ANKRD52: variants seen among roughly 807,000 people sequenced by gnomAD.
ANKRD52 encodes ankyrin repeat domain 52, also known as serine/threonine-protein phosphatase 6 regulatory ankyrin repeat subunit C.
A neutral mutation model predicts 116.0 loss-of-function variants in ANKRD52; 7 were observed. The observed-to-expected ratio is 0.06, with a 90% CI of 0.03 to 0.11. The LOEUF (loss-of-function observed/expected upper bound fraction) is 0.11. Among genes scored for constraint, ANKRD52 ranks in the 10% least tolerant of loss-of-function variants. The pLI is 1.00. For missense variants in ANKRD52, 839 were observed against 1,408.6 expected, an observed-to-expected ratio of 0.60 and a Z score of 6.47; for synonymous variants, 528 against 578.1, an observed-to-expected ratio of 0.91 and a Z score of 1.24.
At chr12:56,249,814 T>C (rs1196259856) in intron 15 of ANKRD52, among the ~76,000 whole-genome samples, 2 of 151,802 alleles carry the variant, frequency 1.3e-5, no homozygotes, top group East Asian at 1.9e-4. Flanking sequence ...CCAAGGCAGG[T>C]GGATCGCCTG....
At position 56,241,903 on chromosome 12, in the gene ANKRD52, C is replaced by T. The variant is rs970396199; in HGVS notation, c.*1239G>A. The T allele has an allele frequency of 2.5e-6, 1 of 398,208 alleles. No homozygotes were observed. Among genetic ancestry groups the T allele is most frequent in the African/African-American group, 2.1e-5 (1 of 48,612 alleles). 24.7% of individuals were successfully genotyped at this position (398,208 alleles called of 1,614,324 possible). On this transcript the variant is annotated 3_prime_UTR_variant, in exon 28 of 28. Coordinates refer to ENST00000267116, the MANE Select transcript of ANKRD52 (RefSeq NM_173595.4). ...CAGCCCCCAGCTCAATCCCATCTTT[C>T]CTCCCTGCTGGGAAGGCAGGGACCA...
rs773087166 is a variant in ANKRD52 at position 56,248,259 on chromosome 12, G to A, written c.1777-35C>T. On this transcript the variant is annotated intron_variant, in intron 17 of 27. Transcript: ENST00000267116. This position sits in a 1 kb window ranked among gnomAD's most constrained non-coding sequence, Gnocchi z 5.1. The stretch of plus-strand genomic sequence containing the variant: ...TGCAGGCAACCAGTGCACACAGCTC[G>A]GGACCTTCCCTGCTCCTCCCTTCCC... 73 of 1,607,278 alleles carry A rather than the reference G, an allele frequency of 4.5e-5. No individual in the cohort carries two copies. The highest frequency in any genetic ancestry group is 2.3e-4 in the Admixed American group (14 of 59,988).
chr12:56,256,767 G>A (rs1410375617), intron 4 of ANKRD52, among the ~76,000 whole-genome samples: 1 of 152,196 alleles, frequency 6.6e-6, no homozygotes, highest in Non-Finnish European at 1.5e-5. Flanking sequence ...AGTCACTCAG[G>A]CCTGGCAGCA....
Position 56,244,365 on chromosome 12 carries a change from C to A in ANKRD52, c.2793G>T (p.Leu931Phe). The A allele has an allele frequency of 6.2e-7, 1 of 1,613,944 alleles. No homozygotes were observed. The highest frequency in any genetic ancestry group is 8.5e-7 in the Non-Finnish European group (1 of 1,179,872). ...LDENKNTALH[L>F]ACSKGHEKCA... ...TTCAGGTAAGTACCTTGCTACAAGC[C>A]AAGTGGAGGGCCGTGTTCTTGTTCT... Residue 931 changes from leucine (L) to phenylalanine (F), a missense_variant, in exon 25 of 28, where the codon TTG (leucine) becomes TTT (phenylalanine). Leu to Phe is a conservative substitution (Grantham distance 22). Around this residue, in one of 2 missense-constraint regions of ANKRD52, gnomAD observed 552 missense variants for 810.6 expected, o/e 0.68. Coordinates refer to ENST00000267116, the MANE Select transcript of ANKRD52 (RefSeq NM_173595.4). This position sits in a 1 kb window ranked among gnomAD's most constrained non-coding sequence, Gnocchi z 4.9.
chr12:56,246,280 T>G (rs942822582), intron 20 of ANKRD52, among the ~76,000 whole-genome samples: 1 of 152,140 alleles, frequency 6.6e-6, no homozygotes, highest in African/African-American at 2.4e-5. Context: ...TCTGCCCGCC[T>G]TGGCCTTCCA....
intron 21 of ANKRD52, 71 bp downstream of exon 21, chr12:56,245,306 C>A: frequency 6.2e-7 from 1 of 1,602,240 alleles, no homozygotes; most frequent in Non-Finnish European, 8.5e-7. Flanking sequence ...TCCCCCCCAA[C>A]AACCCACCTG....
rs762618831 is a variant in ANKRD52 at position 56,257,354 on chromosome 12, T to G, written c.119A>C (p.Glu40Ala). ...QKENINVLDQ[E>A]RRTPLHAAAY... ...AGCAGCATGCAATGGAGTTCGCCTCTCTTGGTCCTGGGAAGGCAAAAAAGA... is the reference window on the plus strand; with the variant it reads ...AGCAGCATGCAATGGAGTTCGCCTCGCTTGGTCCTGGGAAGGCAAAAAAGA... Residue 40 changes from glutamate to alanine, a missense_variant, in exon 3 of 28, where the codon GAG becomes GCG. Transcript: ENST00000267116. The G allele has an allele frequency of 3.8e-6, 6 of 1,589,220 alleles. No individual in the cohort carries two copies. Among genetic ancestry groups the G allele is most frequent in the Non-Finnish European group, 4.3e-6 (5 of 1,167,828 alleles).
At chr12:56,257,971 G>A in intron 1 of ANKRD52, 60 bp from the exon 2 acceptor site, 4 of 1,497,274 alleles carry the variant, frequency 2.7e-6, no homozygotes, top group Non-Finnish European at 3.7e-6. Context: ...CGGTGTGGGG[G>A]TGGGGGTGGG....
At position 56,252,188 on chromosome 12, in the gene ANKRD52, C is replaced by T; in HGVS notation, c.1498G>A (p.Asp500Asn). The T allele has an allele frequency of 6.2e-7, 1 of 1,613,954 alleles. No homozygotes were observed. The highest frequency in any genetic ancestry group is 8.5e-7 in the Non-Finnish European group (1 of 1,179,882). ...CSPLHYAAASDTYRRAEPHTP... is the reference protein window; with the variant it reads ...CSPLHYAAASNTYRRAEPHTP... ...TGGTAGCCTCACCTCCTGTAAGTGT[C>T]AGAAGCGGCAGCGTAGTGGAGGGGA... Residue 500 changes from aspartate (D) to asparagine (N), a missense_variant, in exon 14 of 28, where the codon GAC (aspartate) becomes AAC (asparagine). Coordinates refer to ENST00000267116, the MANE Select transcript of ANKRD52 (RefSeq NM_173595.4). The surrounding 1 kb of genome is among the most constrained non-coding windows in gnomAD (Gnocchi z 4.7).
At chr12:56,250,751 A>G (rs1871650577) in intron 15 of ANKRD52, among the ~76,000 whole-genome samples, 1 of 150,232 alleles carries the variant, frequency 6.7e-6, no homozygotes, top group South Asian at 2.1e-4. Flanking sequence ...AAAAAAAAAG[A>G]AAGAAAAAGA....
rs1871869602 is a variant in ANKRD52, at chr12:56,254,831, C to G, written c.550+34G>C. Reference sequence around the variant, plus strand: ...TCCCTGCCCTAGGAATCCTAAATGTCAAATTTCTGATTTTCCCGTGTATTC... The same window carrying G: ...TCCCTGCCCTAGGAATCCTAAATGTGAAATTTCTGATTTTCCCGTGTATTC... On this transcript the variant is annotated intron_variant, in intron 6 of 27. Transcript: ENST00000267116. The surrounding 1 kb of genome is among the most constrained non-coding windows in gnomAD (Gnocchi z 4.6). 1 of 1,607,146 alleles carries G rather than the reference C, an allele frequency of 6.2e-7. No individual in the cohort carries two copies. Among genetic ancestry groups the G allele is most frequent in the Non-Finnish European group, 8.5e-7 (1 of 1,173,932 alleles).
At position 56,239,390 on chromosome 12, in the gene ANKRD52, T is replaced by G. The variant is rs980904719; in HGVS notation, c.*3752A>C. 3 of 152,168 alleles carry G rather than the reference T, an allele frequency of 2.0e-5. No homozygotes were observed. The highest frequency in any genetic ancestry group is 2.9e-5 in the Non-Finnish European group (2 of 68,032). 9.4% of individuals were successfully genotyped at this position (152,168 alleles called of 1,614,324 possible). On this transcript the variant is annotated 3_prime_UTR_variant, in exon 28 of 28. Transcript: ENST00000267116. Reference sequence around the variant, plus strand: ...TGCTTTGTTCCTTATCCCTCCTTCTTAAAAGGTAGGGTTCAAACTAGGCGG... The same window carrying G: ...TGCTTTGTTCCTTATCCCTCCTTCTGAAAAGGTAGGGTTCAAACTAGGCGG...
At position 56,253,410 on chromosome 12, in the gene ANKRD52, G is replaced by T; in HGVS notation, c.986-8C>A. On this transcript the variant is annotated splice_polypyrimidine_tract_variant and splice_region_variant and intron_variant, in intron 9 of 27. Coordinates refer to ENST00000267116, the MANE Select transcript of ANKRD52 (RefSeq NM_173595.4). This position sits in a 1 kb window ranked among gnomAD's most constrained non-coding sequence, Gnocchi z 5.5. ...CACAATCAATCTCGCTGCCTGTGAG[G>T]GGATGCACACACACAAGCTCAGGCA... The T allele has an allele frequency of 6.2e-7, 1 of 1,606,658 alleles. No homozygotes were observed. Among genetic ancestry groups the T allele is most frequent in the South Asian group, 1.1e-5 (1 of 90,830 alleles).
Position 56,248,370 on chromosome 12 carries a change from C to A in ANKRD52, c.1776+125G>T. On this transcript the variant is annotated intron_variant, in intron 17 of 27. Transcript: ENST00000267116. The surrounding 1 kb of genome is among the most constrained non-coding windows in gnomAD (Gnocchi z 5.1). ...GCCCCTTAAGGCTTCCTACCCTGCACTGTGCTTATCCCCTCTCCCACAAAA... is the reference window on the plus strand; with the variant it reads ...GCCCCTTAAGGCTTCCTACCCTGCAATGTGCTTATCCCCTCTCCCACAAAA... 7.1e-7 allele frequency: 1 copy of A among 1,403,046 alleles called. No individual in the cohort carries two copies. The highest frequency in any genetic ancestry group is 1.2e-5 in the South Asian group (1 of 81,104). The allele number at this position is 1,403,046 out of a possible 1,614,324, so 86.9% of individuals were successfully genotyped here.
chr12:56,246,293 G>T (rs1319686915), intron 20 of ANKRD52, among the ~76,000 whole-genome samples: 2 of 151,524 alleles, frequency 1.3e-5, no homozygotes, highest in Admixed American at 6.6e-5. Context: ...GCCTTCCAAA[G>T]TGCTGGGATT....
chr12:56,248,489 A>G lies in ANKRD52; in HGVS notation c.1776+6T>C. 6.3e-7 allele frequency: 1 copy of G among 1,590,032 alleles called. No homozygotes were observed. Among genetic ancestry groups the G allele is most frequent in the Non-Finnish European group, 8.6e-7 (1 of 1,168,258 alleles). On this transcript the variant is annotated splice_donor_region_variant and intron_variant, in intron 17 of 27. Coordinates refer to ENST00000267116, the MANE Select transcript of ANKRD52 (RefSeq NM_173595.4). This position sits in a 1 kb window ranked among gnomAD's most constrained non-coding sequence, Gnocchi z 5.1. ...GAAGGCAACAGAAAAAAGACGTGGG[A>G]CTCACAGCTAAGTGCAAAGGGCTGA...
intron 15 of ANKRD52, among the ~76,000 whole-genome samples, chr12:56,251,738 CAAAAA>C (rs11286294): frequency 8.4e-5 from 7 of 83,570 alleles, no homozygotes; most frequent in Non-Finnish European, 1.3e-4. Flanking sequence ...ACTCTGTCTC[CAAAAA>C]AAAAAAAAAA....
chr12:56,245,213 A>G (rs544650732), intron 21 of ANKRD52, 23 bp from the exon 22 acceptor site: 1 of 1,610,926 alleles, frequency 6.2e-7, no homozygotes, highest in East Asian at 2.2e-5. Flanking sequence ...AAGGAAGAGT[A>G]GTGATGGAGA....
Position 56,247,736 on chromosome 12 carries a change from C to T in ANKRD52, c.2017G>A (p.Asp673Asn), listed in dbSNP as rs1476406989. 2.5e-6 allele frequency: 4 copies of T among 1,612,690 alleles called. No individual in the cohort carries two copies. Among genetic ancestry groups the T allele is most frequent in the South Asian group, 2.2e-5 (2 of 90,726 alleles). Residue 673 changes from aspartate to asparagine, a missense_variant, in exon 19 of 28, where the codon GAC becomes AAC. Around this residue, in one of 2 missense-constraint regions of ANKRD52, gnomAD observed 552 missense variants for 810.6 expected, o/e 0.68. Transcript: ENST00000267116. ...GHTDSLHLLIDSGERADITDV... is the reference protein window; with the variant it reads ...GHTDSLHLLINSGERADITDV... ...GTGATGTCAGCTCGTTCCCCACTGTCGATCAGCAAGTGCAGGGAGTCAGTG... is the reference window on the plus strand; with the variant it reads ...GTGATGTCAGCTCGTTCCCCACTGTTGATCAGCAAGTGCAGGGAGTCAGTG...
Sources: gnomAD v4.1 joint callset for allele counts (sites outside exome capture counted in the v4.1 genomes callset) on GRCh38, gnomAD v4.1.1 for gene constraint, gnomAD v4.1.1 regional missense constraint, Gnocchi (gnomAD v3.1) non-coding constraint, MANE v1.5 for transcripts, NCBI Gene and HGNC (gene_info 2026-07-23, HGNC 2026-07-21) for gene names.